The following POLR2B variants were observed in gnomAD, a reference collection of about 807,000 sequenced individuals.
POLR2B encodes DNA-directed RNA polymerase II subunit RPB2.
In POLR2B, 57 loss-of-function variants were observed where a neutral mutation model predicts 144.6. That is an observed-to-expected ratio of 0.39 (90% CI 0.32 to 0.49). The LOEUF (loss-of-function observed/expected upper bound fraction) is 0.49. Ranked by LOEUF, POLR2B falls within the 20% of genes least tolerant of loss-of-function variation. The pLI, the probability that POLR2B is intolerant of heterozygous loss-of-function variation, is 0.83. For missense variants in POLR2B, 595 were observed against 1,467.4 expected, an observed-to-expected ratio of 0.41 and a Z score of 9.71; for synonymous variants, 442 against 469.8, an observed-to-expected ratio of 0.94 and a Z score of 0.77.
At chr4:56,999,343 A>G (rs1308609074) in intron 6 of POLR2B, among the ~76,000 whole-genome samples, 4 of 151,740 alleles carry the variant, frequency 2.6e-5, no homozygotes, top group African/African-American at 4.8e-5. Context: ...ATTTCCAAAT[A>G]CAGTATTGGG....
At chr4:57,019,985 G>A (rs1193579786) in intron 16 of POLR2B, among the ~76,000 whole-genome samples, 3 of 152,046 alleles carry the variant, frequency 2.0e-5, no homozygotes, top group Admixed American at 6.6e-5. Context: ...CTCAATTTAG[G>A]TTTGACTATT....
chr4:57,024,504 G>C (rs73818827), intron 21 of POLR2B, among the ~76,000 whole-genome samples: 1 of 152,262 alleles, frequency 6.6e-6, no homozygotes, highest in African/African-American at 2.4e-5. Context: ...AGTGGTAATA[G>C]TCTAACATAT....
chr4:57,024,201 T>A (rs991567716), intron 21 of POLR2B, 89 bp downstream of exon 21: 36 of 668,340 alleles, frequency 5.4e-5, no homozygotes, highest in African/African-American at 1.7e-4. Flanking sequence ...TGAGCCAGGG[T>A]ACTTTGTAAA....
At chr4:57,026,782 A>AAAAC (rs1723735407) in intron 23 of POLR2B, among the ~76,000 whole-genome samples, 1 of 148,298 alleles carries the variant, frequency 6.7e-6, no homozygotes, top group Non-Finnish European at 1.5e-5. Context: ...AAAACAAAAC[A>AAAAC]AAAAACCATG....
chr4:57,002,140 A>C (rs1722874744), intron 7 of POLR2B, among the ~76,000 whole-genome samples: 1 of 152,022 alleles, frequency 6.6e-6, no homozygotes, highest in African/African-American at 2.4e-5. Flanking sequence ...TAATTCTCCC[A>C]CCTCAGCCTC....
At chr4:57,013,398 T>C (rs1578582228) in intron 13 of POLR2B, among the ~76,000 whole-genome samples, 1 of 88,244 alleles carries the variant, frequency 1.1e-5, no homozygotes, top group Non-Finnish European at 2.8e-5. Flanking sequence ...TCTCTATCTC[T>C]CTATCTCTGT....
rs1722608850 is a variant in POLR2B at position 56,994,185 on chromosome 4, TA to T, written c.244-217del. ...CCTGTCTAATGTGAAAAAAAATTTT[TA>T]AGAAAAGAGGAAAAAAGAAAGTGAT... On this transcript the variant is annotated intron_variant, in intron 3 of 24. Transcript: ENST00000314595. Among the ~76,000 whole-genome samples, 5 of 152,294 alleles carry T rather than the reference TA, an allele frequency of 3.3e-5. No individual in the cohort carries two copies. The South Asian group carries it at 1.0e-3, about 32-fold the overall frequency.
chr4:56,994,375 C>G, intron 3 of POLR2B, 29 bp from the exon 4 acceptor site: 3 of 1,124,240 alleles, frequency 2.7e-6, no homozygotes, highest in Non-Finnish European at 4.0e-6. Context: ...AATTATTTAC[C>G]CTTTTCATGT....
Position 57,017,878 on chromosome 4 carries a change from G to A in POLR2B, c.2323+150G>A. 1 of 577,666 alleles carries A rather than the reference G, an allele frequency of 1.7e-6. No homozygotes were observed. Among genetic ancestry groups the A allele is most frequent in the Non-Finnish European group, 2.9e-6 (1 of 342,006 alleles). 35.8% of individuals were successfully genotyped at this position (577,666 alleles called of 1,614,324 possible). On this transcript the variant is annotated intron_variant, in intron 16 of 24. Transcript: ENST00000314595. This position sits in a 1 kb window ranked among gnomAD's most constrained non-coding sequence, Gnocchi z 4.8. Reference sequence around the variant, plus strand: ...TGGGAAACATGAACATAATAAAAAGGTAGGTATGTGGAAAGTGTTTTGGTG... The same window carrying A: ...TGGGAAACATGAACATAATAAAAAGATAGGTATGTGGAAAGTGTTTTGGTG...
At chr4:56,987,359 A>C (rs1044154159) in intron 2 of POLR2B, among the ~76,000 whole-genome samples, 5 of 151,076 alleles carry the variant, frequency 3.3e-5, no homozygotes, top group African/African-American at 1.2e-4. Flanking sequence ...CTTATAAGTG[A>C]TAAAGTAACA....
chr4:57,013,368 A>G (rs1186547923), intron 13 of POLR2B, among the ~76,000 whole-genome samples: 1 of 150,356 alleles, frequency 6.7e-6, no homozygotes, highest in Non-Finnish European at 1.5e-5. Context: ...AGAAAGCTCA[A>G]AAAAATGTCT....
intron 7 of POLR2B, among the ~76,000 whole-genome samples, chr4:57,000,847 C>A (rs542673209): frequency 6.6e-6 from 1 of 152,072 alleles, no homozygotes; most frequent in Non-Finnish European, 1.5e-5. Flanking sequence ...AGGCACGTGC[C>A]ACCACGCCCA....
chr4:57,023,807 T>G lies in POLR2B; in HGVS notation c.2856+56T>G, dbSNP rs1723626673. ...ACCAGTTTTGTTAAATATTTTTTTT[T>G]TAATCAAAATTTGCTTTAACTTAAG... On this transcript the variant is annotated intron_variant, in intron 20 of 24. Transcript: ENST00000314595. This position sits in a 1 kb window ranked among gnomAD's most constrained non-coding sequence, Gnocchi z 4.3. The G allele has an allele frequency of 8.0e-7, 1 of 1,246,298 alleles. No individual in the cohort carries two copies. The highest frequency in any genetic ancestry group is 1.1e-6 in the Non-Finnish European group (1 of 881,454). 77.2% of individuals were successfully genotyped at this position (1,246,298 alleles called of 1,614,324 possible). A position where few individuals can be genotyped will look rare whatever the true frequency, so the allele number is the denominator to read the frequency against.
At chr4:56,986,672 A>T (rs540104885) in intron 2 of POLR2B, 71 of 272,614 alleles carry the variant, frequency 2.6e-4, no homozygotes, top group African/African-American at 1.2e-3. Context: ...GTATATATAT[A>T]TTTTTTTCTG....
In POLR2B at chr4:56,995,196, T is replaced by G. The variant is rs187497650; in HGVS notation, c.577-55T>G. ...TTAAGATGCAGATTTTACTCTCTTTTCTCTTCAGTGATGTTTTGGATTTTA... is the reference window on the plus strand; with the variant it reads ...TTAAGATGCAGATTTTACTCTCTTTGCTCTTCAGTGATGTTTTGGATTTTA... On this transcript the variant is annotated intron_variant, in intron 5 of 24. Transcript: ENST00000314595. 4,807 of 1,322,896 alleles carry G rather than the reference T, an allele frequency of 3.6e-3. 31 individuals carry two copies. The highest frequency in any genetic ancestry group is 0.024 in the Middle Eastern group (104 of 4,372). The allele number at this position is 1,322,896 out of a possible 1,614,324, so 81.9% of individuals were successfully genotyped here. A position where few individuals can be genotyped will look rare whatever the true frequency, so the allele number is the denominator to read the frequency against.
chr4:57,014,634 C>G (rs1723309418), intron 13 of POLR2B, among the ~76,000 whole-genome samples: 1 of 151,304 alleles, frequency 6.6e-6, no homozygotes, highest in Non-Finnish European at 1.5e-5. Context: ...TCCTGAGTAG[C>G]CGGGACTACA....
chr4:56,981,886 A>G (rs1326408316), intron 1 of POLR2B, among the ~76,000 whole-genome samples: 1 of 152,198 alleles, frequency 6.6e-6, no homozygotes, highest in Non-Finnish European at 1.5e-5. Context: ...GCGACTTCTC[A>G]ATTGATAAAT....
At chr4:56,986,666 A>G in intron 2 of POLR2B, 1 of 292,116 alleles carries the variant, frequency 3.4e-6, no homozygotes. Context: ...CTTTTTGTAT[A>G]TATATATTTT....
intron 1 of POLR2B, among the ~76,000 whole-genome samples, chr4:56,979,859 A>G (rs1722100014): frequency 6.7e-6 from 1 of 150,244 alleles, no homozygotes; most frequent in South Asian, 2.1e-4. Context: ...AGATCGCACC[A>G]CTACACCACA....
Sources: gnomAD v4.1 joint callset for allele counts (sites outside exome capture counted in the v4.1 genomes callset) on GRCh38, gnomAD v4.1.1 for gene constraint, Gnocchi (gnomAD v3.1) non-coding constraint, MANE v1.5 for transcripts, NCBI Gene and HGNC (gene_info 2026-07-23, HGNC 2026-07-21) for gene names.